The following MAPK8 variants were observed in gnomAD, a reference collection of about 807,000 sequenced individuals.
The protein encoded by MAPK8 is JUN N-terminal kinase.
A neutral mutation model predicts 52.9 loss-of-function variants in MAPK8; 13 were observed. The ratio of observed to expected loss-of-function variants is 0.25; its 90% CI spans 0.16 to 0.39. MAPK8 has a LOEUF of 0.39. Among genes scored for constraint, MAPK8 ranks in the 10% least tolerant of loss-of-function variants. The pLI, the probability that MAPK8 is intolerant of heterozygous loss-of-function variation, is 1.00. For synonymous variants in MAPK8, 191 were observed against 169.8 expected (o/e 1.12, Z -0.97); for missense variants, 300 against 519.2 (o/e 0.58, Z 4.10).
In MAPK8 at chr10:48,434,155, T is replaced by G. The variant is rs111567956; in HGVS notation, c.1139-729T>G. On this transcript the variant is annotated intron_variant, in intron 11 of 11. Transcript: ENST00000374189. Reference sequence around the variant, plus strand: ...AGGAAATGCTTGTTAGGTAATACTTTCGGCAAAGGAAACTGTTTGCTCTTA... The same window carrying G: ...AGGAAATGCTTGTTAGGTAATACTTGCGGCAAAGGAAACTGTTTGCTCTTA... 3.3e-5 allele frequency among the ~76,000 whole-genome samples: 5 copies of G among 152,324 alleles called. No homozygotes were observed. In the South Asian group the frequency reaches 1.0e-3, roughly 32 times the overall value.
Position 48,397,344 on chromosome 10 carries a change from T to TG in MAPK8, c.-49-4264dup, listed in dbSNP as rs374646301. On this transcript the variant is annotated intron_variant, in intron 1 of 11. Transcript: ENST00000374189. ...TTTTTTCTTTCATTTTTTATAGAGA[T>TG]GGGGTCTCTCTATGTTGCCTAGGCT... 6.5e-3 allele frequency among the ~76,000 whole-genome samples: 981 copies of TG among 151,804 alleles called. 11 individuals are homozygous for TG. The highest frequency in any genetic ancestry group is 0.029 in the South Asian group (137 of 4,794).
At chr10:48,335,309 TTTAA>T (rs1470241446) in intron 1 of MAPK8, among the ~76,000 whole-genome samples, 1 of 152,178 alleles carries the variant, frequency 6.6e-6, no homozygotes, top group African/African-American at 2.4e-5. Context: ...CTCACTTCTG[TTTAA>T]TATATTAAAT....
intron 1 of MAPK8, among the ~76,000 whole-genome samples, chr10:48,376,440 A>G (rs1224871209): frequency 6.6e-6 from 1 of 152,242 alleles, no homozygotes; most frequent in African/African-American, 2.4e-5. Context: ...ATCAGAGTGA[A>G]CAAGCAGCCT....
intron 1 of MAPK8, among the ~76,000 whole-genome samples, chr10:48,380,890 G>T (rs1434593674): frequency 6.6e-6 from 1 of 152,162 alleles, no homozygotes; most frequent in Non-Finnish European, 1.5e-5. Flanking sequence ...TGTGCTCTTT[G>T]ATTAGCAGGA....
At chr10:48,395,516 CTG>C (rs766724296) in intron 1 of MAPK8, among the ~76,000 whole-genome samples, 5 of 151,946 alleles carry the variant, frequency 3.3e-5, no homozygotes, top group Non-Finnish European at 5.9e-5. Flanking sequence ...CAGAACCAAA[CTG>C]TGAAAGAAAA....
intron 1 of MAPK8, among the ~76,000 whole-genome samples, chr10:48,372,447 A>C (rs980449151): frequency 1.8e-4 from 27 of 152,122 alleles, no homozygotes; most frequent in African/African-American, 9.7e-5. Flanking sequence ...AGCATATTCT[A>C]ACCCAATGTA....
chr10:48,339,478 A>T (rs1469312959), intron 1 of MAPK8, among the ~76,000 whole-genome samples: 3 of 152,196 alleles, frequency 2.0e-5, no homozygotes, highest in African/African-American at 7.2e-5. Flanking sequence ...AGCTATAAAA[A>T]TTCTAGAAGA....
chr10:48,331,106 A>C (rs1376568403), intron 1 of MAPK8, among the ~76,000 whole-genome samples: 1 of 152,092 alleles, frequency 6.6e-6, no homozygotes, highest in Non-Finnish European at 1.5e-5. Context: ...TTACTGTCCA[A>C]CCCTGAAAAT....
At chr10:48,426,583 T>C in intron 9 of MAPK8, 79 bp downstream of exon 9, 3 of 1,338,040 alleles carry the variant, frequency 2.2e-6, no homozygotes, top group Non-Finnish European at 3.1e-6. Context: ...AGGAGACCTT[T>C]TAATTTTAAA....
At chr10:48,341,421 A>G (rs557966529) in intron 1 of MAPK8, among the ~76,000 whole-genome samples, 2 of 152,366 alleles carry the variant, frequency 1.3e-5, no homozygotes, top group South Asian at 2.1e-4. Flanking sequence ...ATGACGCTCA[A>G]AGGAAATGCT....
chr10:48,362,342 A>G (rs1434866537), intron 1 of MAPK8, among the ~76,000 whole-genome samples: 4 of 151,906 alleles, frequency 2.6e-5, no homozygotes, highest in Non-Finnish European at 5.9e-5. Context: ...GTAGCATTTC[A>G]TTTGTATCTT....
In MAPK8 at chr10:48,349,572, T is replaced by C. The variant is rs540850936; in HGVS notation, c.-50+42751T>C. ...AAGTAAATAAGTTCTTTGAAACCAA[T>C]GAGAACAAAGACACAATGTATCAGA... On this transcript the variant is annotated intron_variant, in intron 1 of 11. Coordinates refer to ENST00000374189, the MANE Select transcript of MAPK8 (RefSeq NM_001323329.2). Among the ~76,000 whole-genome samples, 17 of 152,230 alleles carry C rather than the reference T, an allele frequency of 1.1e-4. No individual in the cohort carries two copies. In the South Asian group the frequency reaches 3.5e-3, roughly 31 times the overall value.
chr10:48,435,059 T>TGCCTG lies in MAPK8; in HGVS notation c.*31_*32insCCTGG. ...TTGGGCCATCGGGGGGTGGGAGGGA[T>TGCCTG]GGGGAGTCGGTTAGTCATTGATAGA... On this transcript the variant is annotated 3_prime_UTR_variant, in exon 12 of 12. Coordinates refer to ENST00000374189, the MANE Select transcript of MAPK8 (RefSeq NM_001323329.2). 2.2e-6 allele frequency: 1 copy of TGCCTG among 448,006 alleles called. No homozygotes were observed. The highest frequency in any genetic ancestry group is 4.3e-6 in the Non-Finnish European group (1 of 230,990). The allele number at this position is 448,006 out of a possible 1,614,324, so 27.8% of individuals were successfully genotyped here. A position where few individuals can be genotyped will look rare whatever the true frequency, so the allele number is the denominator to read the frequency against.
At chr10:48,361,386 T>A (rs1847509016) in intron 1 of MAPK8, among the ~76,000 whole-genome samples, 1 of 152,208 alleles carries the variant, frequency 6.6e-6, no homozygotes, top group Non-Finnish European at 1.5e-5. Context: ...ATTTTCCTTA[T>A]GTTCTCAGCT....
chr10:48,412,465 T>C (rs2042811347), intron 5 of MAPK8, among the ~76,000 whole-genome samples: 1 of 152,244 alleles, frequency 6.6e-6, no homozygotes, highest in African/African-American at 2.4e-5. Context: ...TTTTCAGTCA[T>C]TATTTTCTTA....
intron 1 of MAPK8, 116 bp downstream of exon 1, chr10:48,306,937 G>T: frequency 6.6e-6 from 1 of 152,288 alleles, no homozygotes; most frequent in South Asian, 1.9e-4. Context: ...TCCTGGGAGT[G>T]GGGGCGGGAG....
intron 11 of MAPK8, among the ~76,000 whole-genome samples, chr10:48,434,135 A>G (rs914183383): frequency 6.6e-6 from 1 of 152,190 alleles, no homozygotes; most frequent in Non-Finnish European, 1.5e-5. Context: ...AATCCAGGAA[A>G]TGCTTGTTAG....
chr10:48,333,937 G>T (rs10745267), intron 1 of MAPK8, among the ~76,000 whole-genome samples: 76,160 of 151,690 alleles, frequency 0.5, 19,685 homozygotes, highest in Middle Eastern at 0.72. Flanking sequence ...GGAGCCTGGC[G>T]CTTCTGCCAT....
At position 48,339,381 on chromosome 10, in the gene MAPK8, A is replaced by G. The variant is rs374184743; in HGVS notation, c.-50+32560A>G. Among the ~76,000 whole-genome samples, 5 of 152,216 alleles carry G rather than the reference A, an allele frequency of 3.3e-5. No homozygotes were observed. In the East Asian group the frequency reaches 9.6e-4, roughly 29 times the overall value. On this transcript the variant is annotated intron_variant, in intron 1 of 11. Coordinates refer to ENST00000374189, the MANE Select transcript of MAPK8 (RefSeq NM_001323329.2). ...ATGGTGCTGGGAAAACTGGCTAGCC[A>G]TATGTAGAAGAATGAAAATAGACTC...
Sources: gnomAD v4.1 joint callset for allele counts (sites outside exome capture counted in the v4.1 genomes callset) on GRCh38, gnomAD v4.1.1 for gene constraint, MANE v1.5 for transcripts, NCBI Gene and HGNC (gene_info 2026-07-23, HGNC 2026-07-21) for gene names.